Variants in SYNE1 observed in about 807,000 individuals in gnomAD.
SYNE1 encodes nesprin-1.
A neutral mutation model predicts 1,111.0 loss-of-function variants in SYNE1; 616 were observed. That is an observed-to-expected ratio of 0.55 (90% CI 0.52 to 0.59). The LOEUF is 0.59. Among genes scored for constraint, SYNE1 ranks in the 20% least tolerant of loss-of-function variants. The pLI is 0.00. For missense variants in SYNE1, 10,006 were observed against 10,417.0 expected, an observed-to-expected ratio of 0.96 and a Z score of 1.72; for synonymous variants, 3,855 against 3,825.8, an observed-to-expected ratio of 1.01 and a Z score of -0.28.
At chr6:152,217,789 G>A (rs2079099081) in intron 121 of SYNE1, among the ~76,000 whole-genome samples, 1 of 152,064 alleles carries the variant, frequency 6.6e-6, no homozygotes, top group Admixed American at 6.6e-5. Context: ...GAGGAGTGAG[G>A]TGGCTTCCAG....
intron 128 of SYNE1, 80 bp downstream of exon 128, chr6:152,189,172 T>C (rs2071455106): frequency 3.3e-6 from 5 of 1,499,562 alleles, no homozygotes; most frequent in Non-Finnish European, 4.6e-6. Flanking sequence ...GGTCCACATG[T>C]GGGTTAACCC....
intron 3 of SYNE1, among the ~76,000 whole-genome samples, chr6:152,567,738 T>C (rs1297118725): frequency 1.3e-5 from 2 of 152,196 alleles, no homozygotes; most frequent in African/African-American, 2.4e-5. Flanking sequence ...TCCTGGGTGC[T>C]TTCTGGAGAA....
intron 22 of SYNE1, among the ~76,000 whole-genome samples, chr6:152,458,049 A>C (rs185352490): frequency 6.6e-6 from 1 of 152,014 alleles, no homozygotes; most frequent in East Asian, 1.9e-4. Context: ...TAATTTTCTT[A>C]TAGTGTCTTT....
rs1264609679 is a variant in SYNE1 at position 152,234,758 on chromosome 6, A to G, written c.20439T>C (p.Ser6813=). ...TCCAAAATTCTAGCCGGTCTTTTGC[A>G]GATTGTAACCAGTGAATTAGATCTG... ...ESADLIHWLQ[S]AKDRLEFWTQ... The change falls in exon 111 of 146, where the codon TCT becomes TCC. Residue 6813 remains serine (S), a synonymous_variant. Transcript: ENST00000367255. The G allele has an allele frequency of 6.2e-7, 1 of 1,614,204 alleles. No individual in the cohort carries two copies. The highest frequency in any genetic ancestry group is 1.1e-5 in the South Asian group (1 of 91,084).
chr6:152,522,276 C>T (rs2099143347), intron 5 of SYNE1, among the ~76,000 whole-genome samples: 2 of 152,050 alleles, frequency 1.3e-5, no homozygotes, highest in South Asian at 4.1e-4. Flanking sequence ...GTACCCATAG[C>T]TTAGCTCTCA....
At chr6:152,165,035 T>C (rs907597857) in intron 130 of SYNE1, among the ~76,000 whole-genome samples, 1 of 152,214 alleles carries the variant, frequency 6.6e-6, no homozygotes, top group Non-Finnish European at 1.5e-5. Context: ...TTCTCAAAGA[T>C]TGACAACTTA....
chr6:152,369,462 G>C lies in SYNE1; in HGVS notation c.9651+9C>G. ...GTCAGATGGGGCTACGGGGAGGCGGGCTCATCACCTGGAGCTTCTGCTGCT... is the reference window on the plus strand; with the variant it reads ...GTCAGATGGGGCTACGGGGAGGCGGCCTCATCACCTGGAGCTTCTGCTGCT... On this transcript the variant is annotated intron_variant, in intron 60 of 145. Transcript: ENST00000367255. The C allele has an allele frequency of 6.2e-7, 1 of 1,614,112 alleles. No individual in the cohort carries two copies. Among genetic ancestry groups the C allele is most frequent in the Non-Finnish European group, 8.5e-7 (1 of 1,180,018 alleles).
At chr6:152,197,224 G>A (rs1385257045) in intron 127 of SYNE1, among the ~76,000 whole-genome samples, 1 of 152,182 alleles carries the variant, frequency 6.6e-6, no homozygotes, top group East Asian at 1.9e-4. Flanking sequence ...TTGAAATCAG[G>A]TAATGTGATT....
At chr6:152,570,721 A>G (rs985044809) in intron 3 of SYNE1, among the ~76,000 whole-genome samples, 1 of 152,192 alleles carries the variant, frequency 6.6e-6, no homozygotes, top group African/African-American at 2.4e-5. Context: ...AATCAAAACA[A>G]TGGTATCCCC....
At chr6:152,491,624 T>C (rs1245908399) in intron 11 of SYNE1, among the ~76,000 whole-genome samples, 2 of 152,182 alleles carry the variant, frequency 1.3e-5, no homozygotes, top group African/African-American at 4.8e-5. Context: ...GATTTCTCCA[T>C]CTTACAAGAC....
intron 130 of SYNE1, chr6:152,167,703 A>G (rs1161095065): frequency 2.0e-6 from 1 of 511,748 alleles, no homozygotes; most frequent in Admixed American, 2.1e-5. Context: ...TTTCAACTAC[A>G]AAGCTGTGAA....
At chr6:152,561,319 T>C (rs1234796850) in intron 3 of SYNE1, among the ~76,000 whole-genome samples, 1 of 152,106 alleles carries the variant, frequency 6.6e-6, no homozygotes, top group Non-Finnish European at 1.5e-5. Flanking sequence ...TTTAAAAATA[T>C]TCTATTCACA....
chr6:152,453,628 C>T lies in SYNE1; in HGVS notation c.2985G>A (p.Gln995=), dbSNP rs572435543. Reference sequence around the variant, plus strand: ...GCTTTCGAACAGCTTCCTGCAGCCCCTGCTGCTCCTGCTCTGGAAGGATGT... The same window carrying T: ...GCTTTCGAACAGCTTCCTGCAGCCCTTGCTGCTCCTGCTCTGGAAGGATGT... ...LTDILPEQEQ[Q]GLQEAVRKLH... The change falls in exon 25 of 146, where the codon CAG becomes CAA. Residue 995 remains glutamine (Q), a synonymous_variant. Coordinates refer to ENST00000367255, the MANE Select transcript of SYNE1 (RefSeq NM_182961.4). 6.2e-7 allele frequency: 1 copy of T among 1,614,218 alleles called. No individual in the cohort carries two copies. The highest frequency in any genetic ancestry group is 1.7e-5 in the Admixed American group (1 of 60,026).
chr6:152,609,300 C>G (rs867165173), intron 3 of SYNE1, among the ~76,000 whole-genome samples: 1 of 152,092 alleles, frequency 6.6e-6, no homozygotes, highest in Admixed American at 6.5e-5. Flanking sequence ...TCTTAGCAAC[C>G]AGAAGACAAG....
chr6:152,396,771 C>A lies in SYNE1; in HGVS notation c.7556+4G>T. 1.2e-6 allele frequency: 2 copies of A among 1,613,770 alleles called. No individual in the cohort carries two copies. Among genetic ancestry groups the A allele is most frequent in the South Asian group, 2.2e-5 (2 of 91,074 alleles). ...TGAAATCTATGTTTGTTAAACTAAC[C>A]TACCTTCCAAGTTCTGAAGCACAGT... On this transcript the variant is annotated splice_donor_region_variant and intron_variant, in intron 50 of 145. Coordinates refer to ENST00000367255, the MANE Select transcript of SYNE1 (RefSeq NM_182961.4).
intron 5 of SYNE1, 52 bp downstream of exon 5, chr6:152,526,028 A>C: frequency 6.4e-7 from 1 of 1,563,136 alleles, no homozygotes; most frequent in Non-Finnish European, 8.8e-7. Flanking sequence ...ATAGTCCCCA[A>C]ATTCCAAATG....
intron 3 of SYNE1, among the ~76,000 whole-genome samples, chr6:152,541,080 G>A (rs185152536): frequency 2.0e-5 from 3 of 152,148 alleles, no homozygotes; most frequent in Non-Finnish European, 4.4e-5. Flanking sequence ...GCGGTACTTT[G>A]CTATGTAACA....
At chr6:152,425,964 C>G (rs903669644) in intron 38 of SYNE1, among the ~76,000 whole-genome samples, 1 of 152,178 alleles carries the variant, frequency 6.6e-6, no homozygotes, top group Admixed American at 6.5e-5. Flanking sequence ...GCACAGCTAA[C>G]AATAAGAGAG....
At chr6:152,524,897 C>T (rs1028721863) in intron 5 of SYNE1, among the ~76,000 whole-genome samples, 1 of 152,160 alleles carries the variant, frequency 6.6e-6, no homozygotes, top group Admixed American at 6.6e-5. Context: ...TTCATAGACT[C>T]CCATATCCAT....
Sources: gnomAD v4.1 joint callset for allele counts (sites outside exome capture counted in the v4.1 genomes callset) on GRCh38, gnomAD v4.1.1 for gene constraint, MANE v1.5 for transcripts, NCBI Gene and HGNC (gene_info 2026-07-23, HGNC 2026-07-21) for gene names.